The following MND1 variants were observed in gnomAD, a reference collection of about 807,000 sequenced individuals.
The protein encoded by MND1 is meiotic nuclear divisions 1.
Under a neutral mutation model 35.1 loss-of-function variants are expected in MND1, and 28 were observed. The observed-to-expected ratio is 0.80, with a 90% confidence interval of 0.59 to 1.09. The LOEUF (loss-of-function observed/expected upper bound fraction) is 1.09. Ranked by LOEUF, MND1 falls within the 50% of genes least tolerant of loss-of-function variation. The pLI, the probability that MND1 is intolerant of heterozygous loss-of-function variation, is 0.00. For synonymous variants in MND1, 69 were observed against 70.5 expected (o/e 0.98, Z 0.11); for missense variants, 213 against 239.6 (o/e 0.89, Z 0.73).
intron 7 of MND1, among the ~76,000 whole-genome samples, chr4:153,411,269 C>G (rs1729676946): frequency 6.6e-6 from 1 of 152,166 alleles, no homozygotes; most frequent in East Asian, 1.9e-4. Context: ...AACCTAGATT[C>G]ATTGCAAATG....
intron 3 of MND1, among the ~76,000 whole-genome samples, chr4:153,356,641 C>CCATTCAAG (rs1336333901): frequency 4.0e-5 from 6 of 151,066 alleles, no homozygotes; most frequent in African/African-American, 1.2e-4. Flanking sequence ...CTGAGAGTAC[C>CCATTCAAG]CATTCAAGTA....
At chr4:153,366,154 AT>A (rs541788914) in intron 4 of MND1, among the ~76,000 whole-genome samples, 39 of 152,282 alleles carry the variant, frequency 2.6e-4, no homozygotes, top group African/African-American at 7.0e-4. Flanking sequence ...TCTTGGTCAC[AT>A]TGCTTTCTGC....
chr4:153,363,005 C>T (rs1324176814), intron 4 of MND1: 1 of 985,352 alleles, frequency 1.0e-6, no homozygotes, highest in Admixed American at 6.2e-5. Flanking sequence ...CCCCCACCCC[C>T]ACATGAAGTG....
chr4:153,357,494 C>G (rs1773375905), intron 3 of MND1, among the ~76,000 whole-genome samples: 1 of 152,174 alleles, frequency 6.6e-6, no homozygotes, highest in Non-Finnish European at 1.5e-5. Flanking sequence ...ATTTACTATT[C>G]ATTAAGTGGC....
chr4:153,356,843 C>CCCAGGCTGGAGCCCAGTGGT (rs909903979), intron 3 of MND1, among the ~76,000 whole-genome samples: 2 of 151,780 alleles, frequency 1.3e-5, no homozygotes, highest in Non-Finnish European at 2.9e-5. Flanking sequence ...TACTCTGTCA[C>CCCAGGCTGGAGCCCAGTGGT]CCAGGCTGGA....
intron 1 of MND1, among the ~76,000 whole-genome samples, chr4:153,349,822 T>C (rs1773166394): frequency 2.0e-5 from 3 of 152,226 alleles, no homozygotes; most frequent in Non-Finnish European, 2.9e-5. Context: ...ATTGGTTTAC[T>C]TTATAAATGC....
chr4:153,408,447 TAC>T (rs1422039755), intron 6 of MND1, among the ~76,000 whole-genome samples: 2 of 151,994 alleles, frequency 1.3e-5, no homozygotes, highest in Admixed American at 1.3e-4. Flanking sequence ...ATAATATACA[TAC>T]AGATACATTT....
intron 5 of MND1, 138 bp downstream of exon 5, chr4:153,394,474 G>C: frequency 1.7e-6 from 1 of 579,212 alleles, no homozygotes; most frequent in Non-Finnish European, 3.0e-6. Flanking sequence ...CGTTTGACCT[G>C]GTAGGATTCA....
intron 4 of MND1, among the ~76,000 whole-genome samples, chr4:153,392,621 G>C (rs1729078630): frequency 6.6e-6 from 1 of 152,126 alleles, no homozygotes; most frequent in Admixed American, 6.5e-5. Flanking sequence ...TTGTTCCCTT[G>C]TAGACCCAGG....
intron 7 of MND1, among the ~76,000 whole-genome samples, chr4:153,409,872 A>G (rs371794181): frequency 2.6e-5 from 4 of 152,184 alleles, no homozygotes; most frequent in African/African-American, 9.7e-5. Flanking sequence ...GACATGAAGT[A>G]AGTGTCCCAC....
chr4:153,377,819 C>T (rs749991518), intron 4 of MND1, among the ~76,000 whole-genome samples: 10 of 152,132 alleles, frequency 6.6e-5, no homozygotes, highest in Non-Finnish European at 1.2e-4. Flanking sequence ...ACATGCTGTG[C>T]CTGGCTTTTT....
At chr4:153,384,255 CTGCTTTTTT>C in intron 4 of MND1, among the ~76,000 whole-genome samples, 1 of 94,916 alleles carries the variant, frequency 1.1e-5, no homozygotes, top group Non-Finnish European at 2.2e-5. Flanking sequence ...TTTCTACTTT[CTGCTTTTTT>C]TTTTTTTTTT....
chr4:153,394,363 A>C, intron 5 of MND1, 27 bp downstream of exon 5: 1 of 1,560,540 alleles, frequency 6.4e-7, no homozygotes, highest in Non-Finnish European at 8.8e-7. Flanking sequence ...AGATTATTTT[A>C]ATAATGGCAA....
chr4:153,377,856 A>G (rs564112663), intron 4 of MND1, among the ~76,000 whole-genome samples: 2 of 152,218 alleles, frequency 1.3e-5, no homozygotes, highest in South Asian at 4.1e-4. Flanking sequence ...TAATGGACCA[A>G]TTATAGTTGT....
intron 2 of MND1, among the ~76,000 whole-genome samples, chr4:153,354,694 G>A (rs993276972): frequency 2.0e-5 from 3 of 152,072 alleles, no homozygotes; most frequent in African/African-American, 4.8e-5. Context: ...TGGAGATGTG[G>A]TGCAAGAGTG....
intron 4 of MND1, among the ~76,000 whole-genome samples, chr4:153,360,584 ATGTGTGTGTG>A (rs141946781): frequency 2.1e-5 from 3 of 145,210 alleles, no homozygotes; most frequent in African/African-American, 7.6e-5. Context: ...TCTTTTCTGT[ATGTGTGTGTG>A]TGTGTGTGTG....
intron 4 of MND1, among the ~76,000 whole-genome samples, chr4:153,359,945 A>G (rs1773440251): frequency 6.6e-6 from 1 of 151,716 alleles, no homozygotes. Flanking sequence ...ACACCACCAC[A>G]CCCAACTAAT....
intron 3 of MND1, among the ~76,000 whole-genome samples, chr4:153,357,433 C>G (rs2033881): frequency 6.6e-6 from 1 of 151,996 alleles, no homozygotes; most frequent in African/African-American, 2.4e-5. Flanking sequence ...TTTTGACTCC[C>G]CCAAAACTTA....
At chr4:153,381,667 A>AATATATATATATATATTAT (rs1728693116) in intron 4 of MND1, 1 of 25,458 alleles carries the variant, frequency 3.9e-5, no homozygotes, top group African/African-American at 1.5e-4. Context: ...TATATAATAT[A>AATATATATATATATATTAT]ATATATATAT....
Sources: allele counts gnomAD v4.1 joint callset (sites outside exome capture counted in the v4.1 genomes callset), GRCh38; gene constraint gnomAD v4.1.1; transcripts MANE v1.5; gene names NCBI Gene and HGNC (gene_info 2026-07-23, HGNC 2026-07-21).